BAIAP2: variants seen among roughly 807,000 people sequenced by gnomAD.
BAIAP2 encodes BAR/IMD domain-containing adapter protein 2.
Under a neutral mutation model 63.0 loss-of-function variants are expected in BAIAP2, and 18 were observed. That is an observed-to-expected ratio of 0.29 (90% CI 0.20 to 0.42). The LOEUF (loss-of-function observed/expected upper bound fraction) is 0.42. Ranked by LOEUF, BAIAP2 falls within the 10% of genes least tolerant of loss-of-function variation. The pLI is 1.00. For synonymous variants in BAIAP2, 386 were observed against 307.6 expected (o/e 1.25, Z -2.67); for missense variants, 610 against 734.3 (o/e 0.83, Z 1.96).
At chr17:81,055,627 G>GC (rs1822169097) in intron 2 of BAIAP2, among the ~76,000 whole-genome samples, 1 of 139,996 alleles carries the variant, frequency 7.1e-6, no homozygotes, top group African/African-American at 2.6e-5. Context: ...CTGCAGTGGC[G>GC]CTATCTTGGC....
chr17:81,071,645 C>T (rs1308761900), intron 3 of BAIAP2, among the ~76,000 whole-genome samples: 1 of 152,212 alleles, frequency 6.6e-6, no homozygotes, highest in Non-Finnish European at 1.5e-5. Flanking sequence ...AAAAGAGCAC[C>T]CTGACCACTC....
chr17:81,037,099 G>A, intron 1 of BAIAP2: 1 of 763,816 alleles, frequency 1.3e-6, no homozygotes, highest in Non-Finnish European at 2.1e-6. Context: ...CTGCTGGCAG[G>A]AAAACTCTTA....
chr17:81,095,676 C>T (rs1208912260), intron 6 of BAIAP2, among the ~76,000 whole-genome samples: 1 of 152,114 alleles, frequency 6.6e-6, no homozygotes, highest in East Asian at 1.9e-4. Context: ...TGCCTTGCTG[C>T]TCTGGGAACA....
intron 13 of BAIAP2, 44 bp from the exon 14 acceptor site, chr17:81,115,726 A>G: frequency 1.2e-6 from 2 of 1,612,382 alleles, no homozygotes; most frequent in Middle Eastern, 1.7e-4. Context: ...CAATTCACCC[A>G]TGGCTTCCGC....
intron 3 of BAIAP2, among the ~76,000 whole-genome samples, chr17:81,073,442 G>A (rs1241972283): frequency 2.6e-5 from 4 of 152,210 alleles, no homozygotes; most frequent in East Asian, 1.9e-4. Flanking sequence ...GTCTCGGGCC[G>A]TGCTTTGGTA....
intron 1 of BAIAP2, among the ~76,000 whole-genome samples, chr17:81,051,321 A>G (rs1265078644): frequency 6.6e-6 from 1 of 152,252 alleles, no homozygotes; most frequent in Non-Finnish European, 1.5e-5. Context: ...GTCTCCCAGC[A>G]TACGCCAGGG....
At chr17:81,057,617 A>C in intron 2 of BAIAP2, 1 of 1,183,624 alleles carries the variant, frequency 8.4e-7, no homozygotes, top group Non-Finnish European at 1.0e-6. Flanking sequence ...AGCTCTCTGC[A>C]ATTTGACTTG....
rs73365962 is a variant in BAIAP2 at position 81,101,509 on chromosome 17, G to A, written c.642+1429G>A. On this transcript the variant is annotated intron_variant, in intron 7 of 13. Transcript: ENST00000428708. ...TCAAGAGTTTCGAAGATGTAGTTCC[G>A]GAGCCAAGCCCACCAGGGAGGCCCT... Among the ~76,000 whole-genome samples the A allele has an allele frequency of 3.5e-3, 539 of 152,296 alleles. 2 individuals carry two copies. Among genetic ancestry groups the A allele is most frequent in the African/African-American group, 0.012 (511 of 41,560 alleles).
At chr17:81,062,614 C>T (rs2050760440) in intron 3 of BAIAP2, among the ~76,000 whole-genome samples, 1 of 152,240 alleles carries the variant, frequency 6.6e-6, no homozygotes, top group African/African-American at 2.4e-5. Context: ...GGTCAGAGCC[C>T]CGTGTTTTCT....
chr17:81,097,911 T>G (rs373607000), intron 6 of BAIAP2, among the ~76,000 whole-genome samples: 28 of 152,276 alleles, frequency 1.8e-4, no homozygotes, highest in African/African-American at 6.7e-4. Context: ...ATGGAAAGTT[T>G]CCAGCCTACA....
chr17:81,051,167 T>C (rs2048621902), intron 1 of BAIAP2, among the ~76,000 whole-genome samples: 2 of 152,040 alleles, frequency 1.3e-5, no homozygotes, highest in South Asian at 2.1e-4. Context: ...GTGCTAACGC[T>C]GCTGTGCTCC....
intron 3 of BAIAP2, among the ~76,000 whole-genome samples, chr17:81,074,774 G>A (rs1243318945): frequency 6.6e-6 from 1 of 152,210 alleles, no homozygotes; most frequent in African/African-American, 2.4e-5. Context: ...GGATGCATAA[G>A]TGCCTGTGTG....
At chr17:81,042,897 T>TA (rs1380326608) in intron 1 of BAIAP2, among the ~76,000 whole-genome samples, 2 of 151,828 alleles carry the variant, frequency 1.3e-5, no homozygotes, top group Non-Finnish European at 2.9e-5. Flanking sequence ...TAATTTAATT[T>TA]ATTTAAGACA....
At position 81,105,789 on chromosome 17, in the gene BAIAP2, G is replaced by C. The variant is rs1051578565; in HGVS notation, c.1269-289G>C. The C allele has an allele frequency of 4.9e-5, 17 of 348,590 alleles. No homozygotes were observed. The East Asian group carries it at 1.0e-3, about 21-fold the overall frequency. The allele number at this position is 348,590 out of a possible 1,614,324, so 21.6% of individuals were successfully genotyped here. A position where few individuals can be genotyped will look rare whatever the true frequency, so the allele number is the denominator to read the frequency against. ...TGGCTTAGCGTGACACTGGGGCTGCGAGGCAGGAGCAACTGCTCTGCCCGG... is the reference window on the plus strand; with the variant it reads ...TGGCTTAGCGTGACACTGGGGCTGCCAGGCAGGAGCAACTGCTCTGCCCGG... On this transcript the variant is annotated intron_variant, in intron 10 of 13. Coordinates refer to ENST00000428708, the MANE Select transcript of BAIAP2 (RefSeq NM_001144888.2).
chr17:81,036,695 G>A (rs1328919825), intron 1 of BAIAP2, among the ~76,000 whole-genome samples: 1 of 152,274 alleles, frequency 6.6e-6, no homozygotes, highest in African/African-American at 2.4e-5. Flanking sequence ...GTGACCTGAG[G>A]AGTCGGCTTG....
At chr17:81,058,011 C>A (rs1028434316) in intron 3 of BAIAP2, 44 bp downstream of exon 3, 2 of 1,385,492 alleles carry the variant, frequency 1.4e-6, no homozygotes, top group Non-Finnish European at 2.0e-6. Flanking sequence ...GCCTGATGCC[C>A]TCAGGCAGCT....
intron 3 of BAIAP2, among the ~76,000 whole-genome samples, chr17:81,075,626 T>A (rs1020404711): frequency 1.3e-5 from 2 of 152,120 alleles, no homozygotes; most frequent in African/African-American, 4.8e-5. Context: ...TGAGTGACCC[T>A]CTCCAAGGAC....
chr17:81,068,854 G>A (rs73365920), intron 3 of BAIAP2, among the ~76,000 whole-genome samples: 8,791 of 152,290 alleles, frequency 0.058, 292 homozygotes, highest in African/African-American at 0.094. Flanking sequence ...TGTGGGAGGT[G>A]CCAGTGGGTT....
chr17:81,053,777 C>G, intron 2 of BAIAP2, 34 bp downstream of exon 2: 2 of 1,605,926 alleles, frequency 1.2e-6, no homozygotes, highest in Non-Finnish European at 1.7e-6. Flanking sequence ...GGGGTGGGAG[C>G]TGCCTCCTGA....
Sources: allele counts gnomAD v4.1 joint callset (sites outside exome capture counted in the v4.1 genomes callset), GRCh38; gene constraint gnomAD v4.1.1; transcripts MANE v1.5; gene names NCBI Gene and HGNC (gene_info 2026-07-23, HGNC 2026-07-21).